The following HS6ST3 variants were observed in gnomAD, a reference collection of about 807,000 sequenced individuals.
The protein encoded by HS6ST3 is heparan sulfate 6-O-sulfotransferase 3.
Under a neutral mutation model 36.7 loss-of-function variants are expected in HS6ST3, and 12 were observed. The ratio of observed to expected loss-of-function variants is 0.33; its 90% confidence interval spans 0.21 to 0.53. The LOEUF (loss-of-function observed/expected upper bound fraction) is 0.53. Ranked by LOEUF, HS6ST3 falls within the 20% of genes least tolerant of loss-of-function variation. The pLI is 0.95. For synonymous variants in HS6ST3, 240 were observed against 257.5 expected (o/e 0.93, Z 0.65); for missense variants, 584 against 640.9 (o/e 0.91, Z 0.96).
chr13:96,666,368 T>A (rs1225271167), intron 1 of HS6ST3, among the ~76,000 whole-genome samples: 2 of 152,158 alleles, frequency 1.3e-5, no homozygotes. Context: ...TAGTGCTCAA[T>A]ATTATTTTTC....
intron 1 of HS6ST3, among the ~76,000 whole-genome samples, chr13:96,371,912 T>A (rs551347767): frequency 2.0e-5 from 3 of 152,336 alleles, no homozygotes; most frequent in African/African-American, 4.8e-5. Context: ...GTTGTTTTCC[T>A]ATCTTGGCTA....
At chr13:96,748,712 G>A (rs1384940312) in intron 1 of HS6ST3, among the ~76,000 whole-genome samples, 1 of 152,022 alleles carries the variant, frequency 6.6e-6, no homozygotes, top group Non-Finnish European at 1.5e-5. Context: ...AGTCACTTGA[G>A]TCCCTAAATG....
At chr13:96,468,696 A>C (rs1272499079) in intron 1 of HS6ST3, among the ~76,000 whole-genome samples, 1 of 152,172 alleles carries the variant, frequency 6.6e-6, no homozygotes, top group Non-Finnish European at 1.5e-5. Context: ...GAAATCTACT[A>C]TACGTATCCT....
chr13:96,158,459 T>A (rs1435976586), intron 1 of HS6ST3, among the ~76,000 whole-genome samples: 2 of 151,726 alleles, frequency 1.3e-5, no homozygotes, highest in African/African-American at 4.8e-5. Flanking sequence ...AGAGAGACCC[T>A]CGCCAACATG....
At chr13:96,527,084 A>G (rs1035305038) in intron 1 of HS6ST3, among the ~76,000 whole-genome samples, 1 of 54,334 alleles carries the variant, frequency 1.8e-5, no homozygotes, top group Non-Finnish European at 7.5e-5. Context: ...ATATTGGTTC[A>G]CTTTTTTTTT....
chr13:96,540,758 G>A (rs930038357), intron 1 of HS6ST3, among the ~76,000 whole-genome samples: 5 of 152,062 alleles, frequency 3.3e-5, no homozygotes, highest in South Asian at 2.1e-4. Flanking sequence ...AGTTTCAGAC[G>A]TCTAAATTAG....
intron 1 of HS6ST3, among the ~76,000 whole-genome samples, chr13:96,682,585 G>A (rs915015511): frequency 6.6e-5 from 10 of 152,098 alleles, no homozygotes; most frequent in African/African-American, 2.4e-4. Context: ...CATAGATCCT[G>A]GAGCTGTAGT....
chr13:96,709,183 CT>C (rs1875501006), intron 1 of HS6ST3, among the ~76,000 whole-genome samples: 1 of 152,170 alleles, frequency 6.6e-6, no homozygotes, highest in African/African-American at 2.4e-5. Context: ...CTCCTGCCTC[CT>C]TGTGAAGAAG....
At chr13:96,160,837 G>A (rs567244709) in intron 1 of HS6ST3, among the ~76,000 whole-genome samples, 46 of 152,326 alleles carry the variant, frequency 3.0e-4, no homozygotes, top group African/African-American at 1.1e-3. Context: ...AAAGACGCTT[G>A]CAGGCATGCA....
At chr13:96,239,691 T>TA (rs1372019883) in intron 1 of HS6ST3, among the ~76,000 whole-genome samples, 2 of 152,190 alleles carry the variant, frequency 1.3e-5, no homozygotes, top group Non-Finnish European at 2.9e-5. Context: ...AGTTTATATA[T>TA]AAAAGGCAAG....
intron 1 of HS6ST3, among the ~76,000 whole-genome samples, chr13:96,787,865 C>A (rs1877689971): frequency 6.6e-6 from 1 of 151,910 alleles, no homozygotes; most frequent in South Asian, 2.1e-4. Context: ...TGGTTTTATT[C>A]TGTAAATTTC....
chr13:96,553,255 C>T (rs1404958509), intron 1 of HS6ST3, among the ~76,000 whole-genome samples: 1 of 152,164 alleles, frequency 6.6e-6, no homozygotes, highest in Non-Finnish European at 1.5e-5. Context: ...TCAGCATATG[C>T]TTACTGAGCA....
At chr13:96,684,725 T>C (rs1874721806) in intron 1 of HS6ST3, among the ~76,000 whole-genome samples, 1 of 152,038 alleles carries the variant, frequency 6.6e-6, no homozygotes, top group African/African-American at 2.4e-5. Context: ...CCCTAACCTG[T>C]TATCACTAGG....
At position 96,090,182 on chromosome 13, in the gene HS6ST3, C is replaced by T. The variant is rs1208549482; in HGVS notation, c.-681C>T. Among the ~76,000 whole-genome samples the T allele has an allele frequency of 6.6e-6, 1 of 151,876 alleles. No individual in the cohort carries two copies. Among genetic ancestry groups the T allele is most frequent in the African/African-American group, 2.4e-5 (1 of 41,408 alleles). On this transcript the variant is annotated 5_prime_UTR_variant, in exon 1 of 2. Coordinates refer to ENST00000376705, the MANE Select transcript of HS6ST3 (RefSeq NM_153456.4). The stretch of plus-strand genomic sequence containing the variant: ...TGCGTGCCTGCGCCTGGGCGGACAG[C>T]CCGGAGCGGCAGTGCGACTCGCCGG...
intron 1 of HS6ST3, among the ~76,000 whole-genome samples, chr13:96,829,091 A>T (rs939012387): frequency 2.0e-5 from 3 of 152,300 alleles, no homozygotes; most frequent in African/African-American, 7.2e-5. Flanking sequence ...AGAAACACTC[A>T]AAATATTGCA....
chr13:96,483,332 A>G (rs898088599), intron 1 of HS6ST3, among the ~76,000 whole-genome samples: 2 of 152,152 alleles, frequency 1.3e-5, no homozygotes, highest in Non-Finnish European at 2.9e-5. Context: ...GCAAAGGCCC[A>G]TTGGTGGGAA....
intron 1 of HS6ST3, among the ~76,000 whole-genome samples, chr13:96,262,612 C>T (rs892434316): frequency 3.9e-4 from 59 of 152,160 alleles, no homozygotes; most frequent in African/African-American, 1.4e-3. Flanking sequence ...GTTTTGTGTC[C>T]GTCTACCCAT....
intron 1 of HS6ST3, among the ~76,000 whole-genome samples, chr13:96,575,514 G>A (rs1188338091): frequency 1.3e-5 from 2 of 152,202 alleles, no homozygotes; most frequent in Non-Finnish European, 2.9e-5. Context: ...AGTAAGCAGG[G>A]GAGTCCTTTT....
chr13:96,283,043 T>A (rs1249247209), intron 1 of HS6ST3, among the ~76,000 whole-genome samples: 1 of 152,204 alleles, frequency 6.6e-6, no homozygotes, highest in Non-Finnish European at 1.5e-5. Flanking sequence ...ATCTCTTGAA[T>A]ATCTCTCCCT....
Sources: allele counts gnomAD v4.1 joint callset (sites outside exome capture counted in the v4.1 genomes callset), GRCh38; gene constraint gnomAD v4.1.1; transcripts MANE v1.5; gene names NCBI Gene and HGNC (gene_info 2026-07-23, HGNC 2026-07-21).